The following DCLK1 variants were observed in gnomAD, a reference collection of about 807,000 sequenced individuals.
DCLK1 encodes doublecortin like kinase 1.
In DCLK1, 16 loss-of-function variants were observed where a neutral mutation model predicts 86.2. That is an observed-to-expected ratio of 0.19 (90% CI 0.13 to 0.28). The LOEUF is 0.28. DCLK1 is among the 10% of genes least tolerant of loss of function. The pLI is 1.00. For synonymous variants in DCLK1, 369 were observed against 370.5 expected (o/e 1.00, Z 0.05); for missense variants, 590 against 940.2 (o/e 0.63, Z 4.87).
intron 3 of DCLK1, among the ~76,000 whole-genome samples, chr13:35,966,703 G>C (rs954455721): frequency 6.6e-6 from 1 of 152,000 alleles, no homozygotes; most frequent in Non-Finnish European, 1.5e-5. Context: ...ACGGGGTTTC[G>C]CCATGTTGGC....
chr13:36,084,428 T>C (rs1322927447), intron 3 of DCLK1, among the ~76,000 whole-genome samples: 3 of 152,152 alleles, frequency 2.0e-5, no homozygotes, highest in Admixed American at 2.0e-4. Context: ...ATGTATAATC[T>C]GATAAAAAGA....
At position 36,131,199 on chromosome 13, in the gene DCLK1, C is replaced by CCGGGGCTG. The variant is rs1441137995; in HGVS notation, c.-113_-106dup. The stretch of plus-strand genomic sequence containing the variant: ...GCTGTCCTCGCCGGGCTGGGCGCGG[C>CCGGGGCTG]CGGGGCTGCGGGGCTGCAGGGCTGG... On this transcript the variant is annotated 5_prime_UTR_variant, in exon 1 of 17. Transcript: ENST00000360631. 5 of 151,558 alleles carry CCGGGGCTG rather than the reference C, an allele frequency of 3.3e-5. No homozygotes were observed. Among genetic ancestry groups the CCGGGGCTG allele is most frequent in the Non-Finnish European group, 5.9e-5 (4 of 67,774 alleles). 9.4% of individuals were successfully genotyped at this position (151,558 alleles called of 1,614,324 possible).
intron 11 of DCLK1, among the ~76,000 whole-genome samples, chr13:35,816,407 T>C (rs1168302815): frequency 6.6e-5 from 10 of 152,160 alleles, no homozygotes; most frequent in Non-Finnish European, 7.3e-5. Context: ...ATCGCATATA[T>C]CTATACAATT....
At chr13:35,938,838 C>T (rs542571847) in intron 4 of DCLK1, among the ~76,000 whole-genome samples, 1 of 152,142 alleles carries the variant, frequency 6.6e-6, no homozygotes, top group Non-Finnish European at 1.5e-5. Flanking sequence ...GGGTTTTCCA[C>T]ATCAAAAATT....
intron 2 of DCLK1, among the ~76,000 whole-genome samples, chr13:36,115,610 G>A (rs565004389): frequency 1.5e-4 from 23 of 151,588 alleles, no homozygotes; most frequent in African/African-American, 5.6e-4. Flanking sequence ...TAATACTCTG[G>A]GTGTCTAAGA....
In DCLK1 at chr13:35,793,288, G is replaced by C. The variant is rs2086742140; in HGVS notation, c.2058+78C>G. ...TGACCCATTCTGCTGTCTCTGACTG[G>C]AGAATCTCCTGAGTAATGCCTGTCT... On this transcript the variant is annotated intron_variant, in intron 16 of 16. Transcript: ENST00000360631. The C allele has an allele frequency of 6.2e-6, 7 of 1,137,446 alleles. No homozygotes were observed. In the Admixed American group the frequency reaches 1.1e-4, roughly 18 times the overall value. The allele number at this position is 1,137,446 out of a possible 1,614,324, so 70.5% of individuals were successfully genotyped here.
At chr13:35,943,926 C>A (rs1877228838) in intron 4 of DCLK1, among the ~76,000 whole-genome samples, 1 of 152,162 alleles carries the variant, frequency 6.6e-6, no homozygotes. Context: ...ATCTGCTGGC[C>A]TCTCTGCTTG....
chr13:35,873,677 T>G (rs971952031), intron 4 of DCLK1, among the ~76,000 whole-genome samples: 2 of 152,198 alleles, frequency 1.3e-5, no homozygotes, highest in Admixed American at 6.5e-5. Flanking sequence ...TGAGCCACCA[T>G]GCCCGGCCTC....
chr13:35,809,140 C>T, intron 12 of DCLK1, 45 bp from the exon 13 acceptor site: 2 of 1,499,858 alleles, frequency 1.3e-6, no homozygotes, highest in Non-Finnish European at 1.8e-6. Flanking sequence ...CAGGCTCGGA[C>T]AAATTATGCA....
At chr13:35,937,568 G>T (rs1204559488) in intron 4 of DCLK1, among the ~76,000 whole-genome samples, 1 of 152,162 alleles carries the variant, frequency 6.6e-6, no homozygotes, top group Non-Finnish European at 1.5e-5. Context: ...TGTAGGACTA[G>T]ATATGATGAT....
At chr13:35,996,925 AT>A (rs1031477983) in intron 3 of DCLK1, among the ~76,000 whole-genome samples, 4 of 152,146 alleles carry the variant, frequency 2.6e-5, no homozygotes, top group Non-Finnish European at 4.4e-5. Flanking sequence ...CAGAGCTTCT[AT>A]TTTTAACACT....
intron 3 of DCLK1, among the ~76,000 whole-genome samples, chr13:35,977,276 C>T (rs1593786339): frequency 6.6e-6 from 1 of 152,110 alleles, no homozygotes; most frequent in South Asian, 2.1e-4. Context: ...AGTGTCTGGG[C>T]AGATTGGGCA....
intron 8 of DCLK1, 149 bp from the exon 9 acceptor site, chr13:35,828,456 AC>A (rs1337182790): frequency 4.5e-6 from 3 of 673,400 alleles, no homozygotes; most frequent in Non-Finnish European, 7.3e-6. Context: ...TTAAAAAAAA[AC>A]AAATAAATAT....
chr13:36,023,230 G>A (rs917611875), intron 3 of DCLK1, among the ~76,000 whole-genome samples: 2 of 152,188 alleles, frequency 1.3e-5, no homozygotes, highest in Non-Finnish European at 2.9e-5. Flanking sequence ...TTTATTGTAA[G>A]AAATTAGCTC....
chr13:35,995,035 A>G (rs1880410101), intron 3 of DCLK1, among the ~76,000 whole-genome samples: 1 of 152,234 alleles, frequency 6.6e-6, no homozygotes, highest in African/African-American at 2.4e-5. Context: ...AAAGCTATGA[A>G]GAGCAATTTG....
intron 2 of DCLK1, among the ~76,000 whole-genome samples, chr13:36,114,101 A>G (rs1885700779): frequency 6.6e-6 from 1 of 152,262 alleles, no homozygotes; most frequent in Non-Finnish European, 1.5e-5. Flanking sequence ...AGAGCAGTTT[A>G]CATTTCAACA....
At chr13:36,059,039 A>G (rs1417892900) in intron 3 of DCLK1, among the ~76,000 whole-genome samples, 1 of 152,164 alleles carries the variant, frequency 6.6e-6, no homozygotes, top group African/African-American at 2.4e-5. Context: ...CGCTACCTTT[A>G]TAGGAAAAAT....
intron 6 of DCLK1, chr13:35,847,310 C>CACTTT: frequency 1.0e-6 from 1 of 985,162 alleles, no homozygotes; most frequent in Non-Finnish European, 1.2e-6. Context: ...CACAGAGTAA[C>CACTTT]ACTTTATTAC....
intron 3 of DCLK1, among the ~76,000 whole-genome samples, chr13:36,013,751 T>G (rs1881398098): frequency 6.6e-6 from 1 of 152,212 alleles, no homozygotes; most frequent in South Asian, 2.1e-4. Flanking sequence ...TGTGGTGGGC[T>G]CCACCCAGTT....
Sources: gnomAD v4.1 joint callset for allele counts (sites outside exome capture counted in the v4.1 genomes callset) on GRCh38, gnomAD v4.1.1 for gene constraint, MANE v1.5 for transcripts, NCBI Gene and HGNC (gene_info 2026-07-23, HGNC 2026-07-21) for gene names.